The following GET1 variants were observed in gnomAD, a reference collection of about 807,000 sequenced individuals.
GET1 encodes the protein congenital heart disease 5 protein.
GET1 carries 20 observed loss-of-function variants against 22.6 expected under a neutral mutation model. The ratio of observed to expected loss-of-function variants is 0.89; its 90% CI spans 0.62 to 1.29. GET1 has a LOEUF of 1.29. GET1 is among the 50% of genes most tolerant of loss of function. The pLI is 0.00. For missense variants in GET1, 209 were observed against 219.9 expected, an observed-to-expected ratio of 0.95 and a Z score of 0.31; for synonymous variants, 92 against 83.8, an observed-to-expected ratio of 1.10 and a Z score of -0.53.
chr21:39,383,845 A>G (rs1569029762), intron 1 of GET1, among the ~76,000 whole-genome samples: 2 of 152,128 alleles, frequency 1.3e-5, no homozygotes, highest in East Asian at 1.9e-4. Context: ...GGTTCAAGCA[A>G]TTCTTCTGTC....
intron 4 of GET1, among the ~76,000 whole-genome samples, chr21:39,395,051 T>G (rs1289880120): frequency 4.0e-5 from 6 of 151,896 alleles, no homozygotes. Context: ...AAAAAAAAGT[T>G]TTTTATAGAG....
At chr21:39,411,061 G>A, downstream of GET1, 1 of 377,426 alleles carries the variant, frequency 2.6e-6, no homozygotes, top group Non-Finnish European at 5.2e-6. Context: ...AATGATAGTG[G>A]CATCAATATA....
At chr21:39,381,989 C>T (rs2037581382) in intron 1 of GET1, among the ~76,000 whole-genome samples, 1 of 151,808 alleles carries the variant, frequency 6.6e-6, no homozygotes, top group East Asian at 1.9e-4. Flanking sequence ...TCCACCCATC[C>T]TGGCCTCCCA....
chr21:39,390,836 A>G lies in GET1; in HGVS notation c.241A>G (p.Lys81Glu). 1 of 1,614,214 alleles carries G rather than the reference A, an allele frequency of 6.2e-7. No individual in the cohort carries two copies. The highest frequency in any genetic ancestry group is 8.5e-7 in the Non-Finnish European group (1 of 1,180,046). ...TGCCAGGCTGGAAAGAAAGATCAAC[A>G]AGATGACGGATAAGCTCAAAACCCA... ...RYARLERKIN[K>E]MTDKLKTHVK... The change falls in exon 2 of 5, where the codon AAG (lysine) becomes GAG (glutamate). Residue 81 changes from lysine (K) to glutamate (E), a missense_variant. By Grantham distance (56) the Lys-to-Glu change is moderately conservative (BLOSUM62 1). Transcript: ENST00000649170.
At chr21:39,393,103 CCCTT>C in intron 3 of GET1, 59 bp from the exon 4 acceptor site, 21 of 1,392,864 alleles carry the variant, frequency 1.5e-5, no homozygotes, top group Non-Finnish European at 2.1e-5. Context: ...TCCCTGTCCT[CCCTT>C]CTGTGTGGTC....
chr21:39,414,834 A>G (rs1198677223), intron 1 of GET1, among the ~76,000 whole-genome samples: 2 of 151,818 alleles, frequency 1.3e-5, no homozygotes, highest in Admixed American at 6.6e-5. Context: ...ATCTACAAAA[A>G]AGAAAAACCC....
chr21:39,428,251 A>G (rs892387082), exon 2 of GET1: 32 of 1,605,446 alleles, frequency 2.0e-5, no homozygotes, highest in Non-Finnish European at 2.3e-5. Flanking sequence ...AATAATTTCT[A>G]TTAATAGCCT....
intron 1 of GET1, chr21:39,428,184 A>G (rs780101774): frequency 6.3e-7 from 1 of 1,575,404 alleles, no homozygotes; most frequent in Non-Finnish European, 8.6e-7. Context: ...TTAGATTGGG[A>G]GATTTTAGAA....
At chr21:39,408,984 A>G (rs1453389333), downstream of GET1, among the ~76,000 whole-genome samples, 1 of 152,190 alleles carries the variant, frequency 6.6e-6, no homozygotes, top group Non-Finnish European at 1.5e-5. Flanking sequence ...ACTATTATGA[A>G]ATGAATGTTT....
At chr21:39,388,181 C>T (rs892404580) in intron 1 of GET1, among the ~76,000 whole-genome samples, 11 of 152,106 alleles carry the variant, frequency 7.2e-5, no homozygotes, top group South Asian at 4.1e-4. Flanking sequence ...TCACTGGCAA[C>T]ATAGTGAAAC....
intron 1 of GET1, among the ~76,000 whole-genome samples, chr21:39,424,745 A>G (rs753301597): frequency 1.3e-5 from 2 of 152,224 alleles, no homozygotes; most frequent in African/African-American, 2.4e-5. Flanking sequence ...CAACACAGTT[A>G]ATTTTTCCTG....
At chr21:39,401,340 GT>G (rs2038834099), downstream of GET1, among the ~76,000 whole-genome samples, 1 of 152,100 alleles carries the variant, frequency 6.6e-6, no homozygotes, top group African/African-American at 2.4e-5. Flanking sequence ...GAGCCACTGT[GT>G]CCAGCCATTT....
intron 3 of GET1, 67 bp from the exon 4 acceptor site, chr21:39,393,099 T>A: frequency 7.4e-7 from 1 of 1,356,782 alleles, no homozygotes; most frequent in South Asian, 1.2e-5. Context: ...CATTTCCCTG[T>A]CCTCCCTTCT....
chr21:39,423,457 G>A lies in GET1; in HGVS notation c.*24-4775G>A, dbSNP rs376670598. On this transcript the variant is annotated intron_variant, in intron 1 of 1. Coordinates refer to the GET1 transcript ENST00000478273. ...AGAATTAAAGAGTGATGCATTCCAG[G>A]TGTGCTTTTTTTCAACTGATATTTC... 2.5e-6 allele frequency: 4 copies of A among 1,570,568 alleles called. No individual in the cohort carries two copies. Among genetic ancestry groups the A allele is most frequent in the Non-Finnish European group, 3.4e-6 (4 of 1,164,986 alleles).
downstream of GET1, among the ~76,000 whole-genome samples, chr21:39,399,293 T>A (rs984699435): frequency 1.2e-4 from 18 of 152,288 alleles, no homozygotes; most frequent in African/African-American, 2.6e-4. Context: ...TGTTTTTTTT[T>A]AAAAATGGAA....
intron 1 of GET1, among the ~76,000 whole-genome samples, chr21:39,414,740 CTCTGTGTGTGTGTGTGTG>C (rs1347207653): frequency 2.9e-5 from 3 of 104,064 alleles, no homozygotes; most frequent in African/African-American, 1.2e-4. Flanking sequence ...CTCTCTCTCT[CTCTGTGTGTGTGTGTGTG>C]TGTGTGTGTG....
At chr21:39,408,060 C>G (rs1017957932), downstream of GET1, 1 of 152,222 alleles carries the variant, frequency 6.6e-6, no homozygotes, top group Non-Finnish European at 1.5e-5. Context: ...ATTTGCAGCC[C>G]TGAATGAACT....
intron 1 of GET1, among the ~76,000 whole-genome samples, chr21:39,384,945 C>A (rs549579565): frequency 6.6e-6 from 1 of 152,258 alleles, no homozygotes; most frequent in South Asian, 2.1e-4. Context: ...CAGCAGAGTA[C>A]ACCCACCCTG....
At chr21:39,410,087 C>T (rs1220765018), downstream of GET1, 2 of 1,601,594 alleles carry the variant, frequency 1.2e-6, no homozygotes, top group East Asian at 4.5e-5. Context: ...TTTCCTGTTG[C>T]CTTTTTACCC....
Sources: allele counts gnomAD v4.1 joint callset (sites outside exome capture counted in the v4.1 genomes callset), GRCh38; gene constraint gnomAD v4.1.1; transcripts MANE v1.5; gene names NCBI Gene and HGNC (gene_info 2026-07-23, HGNC 2026-07-21).